CDH10: variants seen among roughly 807,000 people sequenced by gnomAD.
The protein encoded by CDH10 is cadherin 10.
CDH10 carries 30 observed loss-of-function variants against 73.1 expected under a neutral mutation model. The ratio of observed to expected loss-of-function variants is 0.41; its 90% CI spans 0.31 to 0.56. The LOEUF is 0.56. Ranked by LOEUF, CDH10 falls within the 20% of genes least tolerant of loss-of-function variation. CDH10 has a pLI of 0.27. For synonymous variants in CDH10, 345 were observed against 348.2 expected (o/e 0.99, Z 0.10); for missense variants, 815 against 973.7 (o/e 0.84, Z 2.17).
chr5:24,544,267 C>T (rs1744259715), intron 2 of CDH10, among the ~76,000 whole-genome samples: 1 of 152,018 alleles, frequency 6.6e-6, no homozygotes. Context: ...GCACTCCAGC[C>T]TGGAGACAGT....
chr5:24,628,615 T>C (rs1451854792), intron 1 of CDH10, among the ~76,000 whole-genome samples: 1 of 152,126 alleles, frequency 6.6e-6, no homozygotes, highest in African/African-American at 2.4e-5. Flanking sequence ...ATTTGTCTCT[T>C]TGAACTTCTT....
At chr5:24,540,332 A>G (rs1196134131) in intron 2 of CDH10, among the ~76,000 whole-genome samples, 1 of 151,970 alleles carries the variant, frequency 6.6e-6, no homozygotes, top group Non-Finnish European at 1.5e-5. Context: ...GATAGAGGTC[A>G]TTAAAACCCT....
intron 1 of CDH10, among the ~76,000 whole-genome samples, chr5:24,640,569 G>A (rs566222145): frequency 3.7e-4 from 56 of 150,678 alleles, no homozygotes; most frequent in African/African-American, 1.4e-3. Flanking sequence ...TTGAAATCAT[G>A]TGATTTCGTA....
chr5:24,490,610 A>T (rs1476796843), intron 11 of CDH10, among the ~76,000 whole-genome samples: 1 of 152,162 alleles, frequency 6.6e-6, no homozygotes, highest in Non-Finnish European at 1.5e-5. Context: ...AAACATCTAT[A>T]GAATGAAGTA....
intron 7 of CDH10, among the ~76,000 whole-genome samples, chr5:24,508,306 C>G (rs1266444931): frequency 3.3e-5 from 5 of 152,072 alleles, no homozygotes; most frequent in Non-Finnish European, 7.4e-5. Context: ...AACATTGATT[C>G]TTTTTCATTT....
chr5:24,630,550 T>TAAA (rs11385411), intron 1 of CDH10, among the ~76,000 whole-genome samples: 5 of 132,942 alleles, frequency 3.8e-5, no homozygotes, highest in South Asian at 2.4e-4. Context: ...GAGATCATCT[T>TAAA]AAAAAAAAAA....
chr5:24,633,433 A>G (rs72752044), intron 1 of CDH10, among the ~76,000 whole-genome samples: 2,236 of 152,028 alleles, frequency 0.015, 23 homozygotes, highest in Non-Finnish European at 0.019. Context: ...CAATGAACCC[A>G]CTGAAAAATG....
intron 2 of CDH10, among the ~76,000 whole-genome samples, chr5:24,544,583 G>A (rs1399616768): frequency 6.6e-6 from 1 of 152,176 alleles, no homozygotes; most frequent in Non-Finnish European, 1.5e-5. Flanking sequence ...AGGATCTGGA[G>A]TAAATAACTA....
chr5:24,602,648 T>C (rs1746607745), intron 1 of CDH10, among the ~76,000 whole-genome samples: 1 of 152,200 alleles, frequency 6.6e-6, no homozygotes, highest in Non-Finnish European at 1.5e-5. Flanking sequence ...TATATGTGTA[T>C]GTTCCCTTAA....
chr5:24,509,478 A>T, intron 7 of CDH10, 88 bp downstream of exon 7: 1 of 1,172,898 alleles, frequency 8.5e-7, no homozygotes, highest in Non-Finnish European at 1.2e-6. Context: ...TGACCTCGTG[A>T]TCCACCCGCC....
At chr5:24,629,756 T>A (rs923560618) in intron 1 of CDH10, among the ~76,000 whole-genome samples, 3 of 152,082 alleles carry the variant, frequency 2.0e-5, no homozygotes, top group Non-Finnish European at 4.4e-5. Context: ...CATGCCTACT[T>A]CCTCTTCTGC....
At chr5:24,514,893 C>G (rs1561134682) in intron 5 of CDH10, among the ~76,000 whole-genome samples, 3 of 151,682 alleles carry the variant, frequency 2.0e-5, no homozygotes, top group Non-Finnish European at 4.4e-5. Flanking sequence ...ATATATACAA[C>G]TTGAATAAAT....
At chr5:24,604,944 ATTGAAAATGTGTCTCTGATAAAGTCTTTT>A (rs1746707722) in intron 1 of CDH10, among the ~76,000 whole-genome samples, 1 of 152,144 alleles carries the variant, frequency 6.6e-6, no homozygotes. Context: ...TTAGAAAATA[ATTGAAAATGTGTCTCTGATAAAGTCTTTT>A]TTCATACTGT....
Position 24,521,656 on chromosome 5 carries a change from CTA to C in CDH10, c.815-10144_815-10143del, listed in dbSNP as rs1460249441. On this transcript the variant is annotated intron_variant, in intron 5 of 11. Coordinates refer to ENST00000264463, the MANE Select transcript of CDH10 (RefSeq NM_006727.5). The stretch of plus-strand genomic sequence containing the variant: ...TTAAAAGCATAAAAACATGACTAGA[CTA>C]TAACTCTAAAAAATAACTCAGCATA... Among the ~76,000 whole-genome samples the C allele has an allele frequency of 3.3e-5, 5 of 151,934 alleles. No homozygotes were observed. The East Asian group carries it at 7.8e-4, about 24-fold the overall frequency.
chr5:24,605,024 C>T (rs181020176), intron 1 of CDH10, among the ~76,000 whole-genome samples: 2 of 151,792 alleles, frequency 1.3e-5, no homozygotes, highest in East Asian at 3.9e-4. Flanking sequence ...AACAAATAAC[C>T]CAATTGAAAA....
intron 3 of CDH10, 33 bp from the exon 4 acceptor site, chr5:24,535,855 A>G (rs2111884650): frequency 1.3e-6 from 2 of 1,504,382 alleles, no homozygotes; most frequent in East Asian, 2.3e-5. Flanking sequence ...AGTTCTGCAC[A>G]GTACCAGAAG....
intron 1 of CDH10, among the ~76,000 whole-genome samples, chr5:24,624,816 G>T (rs1433415088): frequency 6.6e-6 from 1 of 152,106 alleles, no homozygotes; most frequent in East Asian, 1.9e-4. Flanking sequence ...CCATGTGCCT[G>T]CATGTTCTCA....
intron 11 of CDH10, among the ~76,000 whole-genome samples, chr5:24,490,386 A>T (rs1322868715): frequency 6.6e-6 from 1 of 151,760 alleles, no homozygotes; most frequent in Non-Finnish European, 1.5e-5. Flanking sequence ...TGTAGTACAG[A>T]GAAAAGTTTT....
At chr5:24,579,941 A>G (rs1322396241) in intron 2 of CDH10, among the ~76,000 whole-genome samples, 2 of 152,036 alleles carry the variant, frequency 1.3e-5, no homozygotes, top group African/African-American at 4.8e-5. Context: ...CATGTATCTT[A>G]CTCTATCTAA....
Sources: allele counts gnomAD v4.1 joint callset (sites outside exome capture counted in the v4.1 genomes callset), GRCh38; gene constraint gnomAD v4.1.1; transcripts MANE v1.5; gene names NCBI Gene and HGNC (gene_info 2026-07-23, HGNC 2026-07-21).